ALDH1L1: variants seen among roughly 807,000 people sequenced by gnomAD.
ALDH1L1 encodes aldehyde dehydrogenase 1 family member L1, also known as cytosolic 10-formyltetrahydrofolate dehydrogenase.
ALDH1L1 carries 68 observed loss-of-function variants against 101.1 expected under a neutral mutation model. The observed-to-expected ratio is 0.67, with a 90% CI of 0.55 to 0.82. The LOEUF (loss-of-function observed/expected upper bound fraction) is 0.82. Among genes scored for constraint, ALDH1L1 ranks in the 40% least tolerant of loss-of-function variants. The probability of loss-of-function intolerance (pLI) is 0.00; values close to 1 mark genes in which losing one functional copy is unlikely to be tolerated. For synonymous variants in ALDH1L1, 486 were observed against 470.8 expected (o/e 1.03, Z -0.42); for missense variants, 1,087 against 1,172.7 (o/e 0.93, Z 1.07).
intron 9 of ALDH1L1, among the ~76,000 whole-genome samples, chr3:126,143,969 T>C (rs1266744935): frequency 1.3e-5 from 2 of 152,110 alleles, no homozygotes; most frequent in African/African-American, 4.8e-5. Context: ...ACTTTAAATA[T>C]TCTGCACCTC....
intron 1 of ALDH1L1, among the ~76,000 whole-genome samples, chr3:126,178,843 G>A (rs2081415599): frequency 2.6e-5 from 4 of 151,902 alleles, no homozygotes; most frequent in Admixed American, 2.6e-4. Context: ...AAAGTTACTG[G>A]GTAAAGGGTT....
Position 126,172,752 on chromosome 3 carries a change from G to T in ALDH1L1, c.-24+7724C>A, listed in dbSNP as rs141977228. On this transcript the variant is annotated intron_variant, in intron 1 of 22. Transcript: ENST00000393434. ...CTCAGAGGAAACCAAATAGGATAAAGATCACCCCCCACCCCCCAAAAAATC... is the reference window on the plus strand; with the variant it reads ...CTCAGAGGAAACCAAATAGGATAAATATCACCCCCCACCCCCCAAAAAATC... Among the ~76,000 whole-genome samples, 741 of 152,002 alleles carry T rather than the reference G, an allele frequency of 4.9e-3. 8 individuals carry two copies. The highest frequency in any genetic ancestry group is 0.017 in the African/African-American group (714 of 41,458).
At chr3:126,114,528 T>G in intron 18 of ALDH1L1, 29 bp downstream of exon 18, 1 of 1,478,724 alleles carries the variant, frequency 6.8e-7, no homozygotes, top group Non-Finnish European at 9.0e-7. Context: ...CCGCTCACTG[T>G]CCCTGCCCCC....
chr3:126,105,162 C>T lies in ALDH1L1; in HGVS notation c.2653+564G>A, dbSNP rs558701932. The T allele has an allele frequency of 1.6e-4, 30 of 183,100 alleles. No individual in the cohort carries two copies. The South Asian group carries it at 3.0e-3, about 19-fold the overall frequency. The allele number at this position is 183,100 out of a possible 1,614,324, so 11.3% of individuals were successfully genotyped here. The stretch of plus-strand genomic sequence containing the variant: ...CCTCTACTGGGAGACTTGCAACACC[C>T]GTGGTGTTCACCCGGGGGTACATTT... On this transcript the variant is annotated intron_variant, in intron 22 of 22. Coordinates refer to ENST00000393434, the MANE Select transcript of ALDH1L1 (RefSeq NM_012190.4).
intron 20 of ALDH1L1, among the ~76,000 whole-genome samples, chr3:126,108,921 G>A (rs72965962): frequency 1.7e-3 from 254 of 152,274 alleles, no homozygotes; most frequent in African/African-American, 5.8e-3. Flanking sequence ...ACAGAGGAGA[G>A]GTCACCAGAC....
At chr3:126,191,356 G>A (rs62266684) in intron 1 of ALDH1L1, among the ~76,000 whole-genome samples, 9,681 of 152,294 alleles carry the variant, frequency 0.064, 409 homozygotes, top group African/African-American at 0.11. Flanking sequence ...TGGTGAGGAT[G>A]TGCCTCAGCT....
At position 126,158,640 on chromosome 3, in the gene ALDH1L1, C is replaced by G; in HGVS notation, c.128-1G>C. On this transcript the variant is annotated splice_acceptor_variant, in intron 2 of 22. Transcript: ENST00000393434. LOFTEE classifies it high-confidence loss of function. Reference sequence around the variant, plus strand: ...ACTCCATCCTTCTCAGCTTCCAGACCTGTGGGACGGTGGATAAGAAACTGG... The same window carrying G: ...ACTCCATCCTTCTCAGCTTCCAGACGTGTGGGACGGTGGATAAGAAACTGG... The G allele has an allele frequency of 6.2e-7, 1 of 1,608,578 alleles. No individual in the cohort carries two copies. The highest frequency in any genetic ancestry group is 8.5e-7 in the Non-Finnish European group (1 of 1,175,300).
At chr3:126,148,585 C>T (rs1249074271) in intron 8 of ALDH1L1, among the ~76,000 whole-genome samples, 1 of 152,170 alleles carries the variant, frequency 6.6e-6, no homozygotes, top group Non-Finnish European at 1.5e-5. Flanking sequence ...CTAGCGATGG[C>T]CTTAGGGGGC....
At chr3:126,134,172 C>T (rs2080373103) in intron 12 of ALDH1L1, among the ~76,000 whole-genome samples, 1 of 152,214 alleles carries the variant, frequency 6.6e-6, no homozygotes, top group Non-Finnish European at 1.5e-5. Context: ...CCAGCCTCTG[C>T]TGTGCTGAGC....
intron 16 of ALDH1L1, among the ~76,000 whole-genome samples, chr3:126,120,773 T>C (rs1421153849): frequency 6.6e-6 from 1 of 152,188 alleles, no homozygotes; most frequent in African/African-American, 2.4e-5. Context: ...ATCAAGTCTA[T>C]TTACTAGTAA....
chr3:126,188,889 T>C (rs1202724228), intron 1 of ALDH1L1, among the ~76,000 whole-genome samples: 1 of 152,112 alleles, frequency 6.6e-6, no homozygotes, highest in East Asian at 1.9e-4. Flanking sequence ...GTCGAATAGA[T>C]CAAACAATAC....
chr3:126,130,819 C>T (rs2080285982), intron 13 of ALDH1L1, among the ~76,000 whole-genome samples: 1 of 152,230 alleles, frequency 6.6e-6, no homozygotes, highest in Non-Finnish European at 1.5e-5. Context: ...AAATGGCCCC[C>T]AAGTTCCACA....
In ALDH1L1 at chr3:126,145,379, T is replaced by C. The variant is rs148042963; in HGVS notation, c.1076+1456A>G. Among the ~76,000 whole-genome samples, 6 of 152,312 alleles carry C rather than the reference T, an allele frequency of 3.9e-5. No individual in the cohort carries two copies. The East Asian group carries it at 1.2e-3, about 29-fold the overall frequency. On this transcript the variant is annotated intron_variant, in intron 9 of 22. Coordinates refer to ENST00000393434, the MANE Select transcript of ALDH1L1 (RefSeq NM_012190.4). ...CTGGGTATTTGTCCAAAAGAACTGA[T>C]CTCAAATTCCCATGCACTTCCACAT...
At chr3:126,143,659 T>C (rs1414034236) in intron 9 of ALDH1L1, among the ~76,000 whole-genome samples, 2 of 152,214 alleles carry the variant, frequency 1.3e-5, no homozygotes, top group African/African-American at 4.8e-5. Flanking sequence ...ATCTTACATG[T>C]AGAAATCTTT....
At chr3:126,127,961 G>T (rs1482524706) in intron 14 of ALDH1L1, among the ~76,000 whole-genome samples, 1 of 152,172 alleles carries the variant, frequency 6.6e-6, no homozygotes, top group Non-Finnish European at 1.5e-5. Flanking sequence ...ATGCATCACA[G>T]ATGAGAGCTG....
In ALDH1L1 at chr3:126,152,707, T is replaced by C. The variant is rs140334140; in HGVS notation, c.858+737A>G. 337 of 159,204 alleles carry C rather than the reference T, an allele frequency of 2.1e-3. 1 individual carries two copies. Among genetic ancestry groups the C allele is most frequent in the Non-Finnish European group, 3.6e-3 (261 of 72,060 alleles). 9.9% of individuals were successfully genotyped at this position (159,204 alleles called of 1,614,324 possible). A position where few individuals can be genotyped will look rare whatever the true frequency, so the allele number is the denominator to read the frequency against. On this transcript the variant is annotated intron_variant, in intron 7 of 22. Transcript: ENST00000393434. Reference sequence around the variant, plus strand: ...ATGTGAGAAGGAGTAGTAGAGTGCATATGAACAGGAAGCTACCATGGCCAA... The same window carrying C: ...ATGTGAGAAGGAGTAGTAGAGTGCACATGAACAGGAAGCTACCATGGCCAA...
rs571128675 is a variant in ALDH1L1, at chr3:126,197,470, A to G, written c.-24+265T>C. 2.0e-5 allele frequency among the ~76,000 whole-genome samples: 3 copies of G among 152,304 alleles called. No individual in the cohort carries two copies. The South Asian group carries it at 6.2e-4, about 32-fold the overall frequency. On this transcript the variant is annotated intron_variant, in intron 1 of 2. Transcript: ENST00000509952. ...ATTTTACACCCCCTGCAATATTACC[A>G]TTTATGACCAGTTCCTTTCTGACCC...
At chr3:126,136,693 C>A (rs1418685541) in intron 11 of ALDH1L1, 71 bp downstream of exon 11, 24 of 1,543,642 alleles carry the variant, frequency 1.6e-5, no homozygotes, top group Non-Finnish European at 2.0e-5. Context: ...CCCCCAGAGG[C>A]CAGTGGGGGC....
chr3:126,146,688 G>C, intron 9 of ALDH1L1, 147 bp downstream of exon 9: 3 of 741,826 alleles, frequency 4.0e-6, no homozygotes, highest in African/African-American at 1.8e-5. Flanking sequence ...ATGTGTGCAC[G>C]CAGACCTGCA....
Sources: allele counts gnomAD v4.1 joint callset (sites outside exome capture counted in the v4.1 genomes callset), GRCh38; gene constraint gnomAD v4.1.1; transcripts MANE v1.5; gene names NCBI Gene and HGNC (gene_info 2026-07-23, HGNC 2026-07-21).